BAHCC1: variants seen among roughly 807,000 people sequenced by gnomAD.
BAHCC1 encodes BAH and coiled-coil domain-containing protein 1.
BAHCC1 carries 43 observed loss-of-function variants against 88.2 expected under a neutral mutation model. The ratio of observed to expected loss-of-function variants is 0.49; its 90% CI spans 0.38 to 0.63. BAHCC1 has a LOEUF of 0.63. Among genes scored for constraint, BAHCC1 ranks in the 20% least tolerant of loss-of-function variants. The pLI is 0.00. For missense variants in BAHCC1, 3,023 were observed against 1,654.8 expected, an observed-to-expected ratio of 1.83 and a Z score of -14.34; for synonymous variants, 1,510 against 745.5, an observed-to-expected ratio of 2.03 and a Z score of -16.71.
chr17:81,427,585 C>T (rs1459011935), intron 3 of BAHCC1, among the ~76,000 whole-genome samples: 1 of 152,142 alleles, frequency 6.6e-6, no homozygotes, highest in Admixed American at 6.5e-5. Flanking sequence ...TGGCAGGGCA[C>T]CCCTGCCTGG....
At chr17:81,423,598 G>C (rs2064140628) in intron 2 of BAHCC1, among the ~76,000 whole-genome samples, 1 of 152,224 alleles carries the variant, frequency 6.6e-6, no homozygotes, top group African/African-American at 2.4e-5. Flanking sequence ...CCCAGGCCAG[G>C]CTTGCTGCCC....
At chr17:81,460,247 C>T in intron 23 of BAHCC1, 30 bp from the exon 24 acceptor site, 2 of 739,200 alleles carry the variant, frequency 2.7e-6, no homozygotes, top group Non-Finnish European at 5.0e-6. Flanking sequence ...CTGGGGGTTC[C>T]AGCTGCAAGC....
Position 81,411,275 on chromosome 17 carries a change from C to T in BAHCC1, c.178+11358C>T, listed in dbSNP as rs1423456808. 5 of 463,200 alleles carry T rather than the reference C, an allele frequency of 1.1e-5. No homozygotes were observed. The highest frequency in any genetic ancestry group is 1.7e-5 in the Non-Finnish European group (4 of 231,584). The allele number at this position is 463,200 out of a possible 1,614,324, so 28.7% of individuals were successfully genotyped here. A position where few individuals can be genotyped will look rare whatever the true frequency, so the allele number is the denominator to read the frequency against. ...AGCAGCTCCCCTTCTCGGCAGCTCC[C>T]AAACCCTGACCCCAGACAGGCAGCA... On this transcript the variant is annotated intron_variant, in intron 2 of 27. Transcript: ENST00000675386. The surrounding 1 kb of genome is among the most constrained non-coding windows in gnomAD (Gnocchi z 6.2).
At chr17:81,426,399 C>CGTGGGTGATGTGGTTGGGGGTGATAGTG (rs2064199377) in intron 2 of BAHCC1, among the ~76,000 whole-genome samples, 1 of 6,584 alleles carries the variant, frequency 1.5e-4, no homozygotes, top group Non-Finnish European at 3.7e-4. Flanking sequence ...TGGTGATAGT[C>CGTGGGTGATGTGGTTGGGGGTGATAGTG]GTGGGTGATG....
In BAHCC1 at chr17:81,399,109, G is replaced by A. The variant is rs2063776686; in HGVS notation, c.-206-425G>A. The A allele has an allele frequency of 4.2e-6, 1 of 240,666 alleles. No homozygotes were observed. Among genetic ancestry groups the A allele is most frequent in the Non-Finnish European group, 8.9e-6 (1 of 111,822 alleles). The allele number at this position is 240,666 out of a possible 1,614,324, so 14.9% of individuals were successfully genotyped here. On this transcript the variant is annotated intron_variant, in intron 1 of 27. Transcript: ENST00000675386. The surrounding 1 kb of genome is among the most constrained non-coding windows in gnomAD (Gnocchi z 4.5). ...GAGACACCTTTGGGCAGCGGGGGAG[G>A]GGAGAGGGTGTGCGTGTGAGTGTGT...
intron 2 of BAHCC1, among the ~76,000 whole-genome samples, chr17:81,406,260 C>A (rs1786441184): frequency 6.6e-6 from 1 of 152,062 alleles, no homozygotes; most frequent in Admixed American, 6.5e-5. Flanking sequence ...GGGGAGATGG[C>A]CTCCCCTTGT....
At position 81,399,219 on chromosome 17, in the gene BAHCC1, C is replaced by A; in HGVS notation, c.-206-315C>A. On this transcript the variant is annotated intron_variant, in intron 1 of 27. Transcript: ENST00000675386. This position sits in a 1 kb window ranked among gnomAD's most constrained non-coding sequence, Gnocchi z 4.5. ...CCCAGCAGAGCCAGCAGCCTCTTCG[C>A]CGCGGCGCCCTAGCTGCAGGGACCC... is the stretch of plus-strand genomic sequence containing the variant. 2.4e-6 allele frequency: 1 copy of A among 424,674 alleles called. No homozygotes were observed. The highest frequency in any genetic ancestry group is 4.7e-6 in the Non-Finnish European group (1 of 211,950). The allele number at this position is 424,674 out of a possible 1,614,324, so 26.3% of individuals were successfully genotyped here.
intron 10 of BAHCC1, among the ~76,000 whole-genome samples, chr17:81,445,971 G>A (rs1359953693): frequency 1.2e-4 from 18 of 152,254 alleles, no homozygotes; most frequent in Non-Finnish European, 2.1e-4. Context: ...CAATGAAGGC[G>A]GGGCCTGCTG....
intron 4 of BAHCC1, among the ~76,000 whole-genome samples, chr17:81,441,523 C>G (rs1033507973): frequency 2.0e-5 from 3 of 151,992 alleles, no homozygotes; most frequent in Admixed American, 6.6e-5. Context: ...TTAGCTGGGC[C>G]TGGTGGCGGG....
intron 3 of BAHCC1, 57 bp from the exon 4 acceptor site, chr17:81,438,313 G>A (rs1767097568): frequency 6.5e-6 from 5 of 772,112 alleles, no homozygotes; most frequent in African/African-American, 1.7e-5. Context: ...GGGTCAGGGC[G>A]AGTGTGGGCC....
intron 2 of BAHCC1, among the ~76,000 whole-genome samples, chr17:81,404,708 C>T (rs557534657): frequency 6.6e-6 from 1 of 152,356 alleles, no homozygotes; most frequent in East Asian, 1.9e-4. Context: ...TCGCTGTCAA[C>T]TTACATATGT....
rs368095465 is a variant in BAHCC1 at position 81,445,015 on chromosome 17, C to T, written c.2672C>T (p.Ala891Val). Residue 891 changes from alanine to valine, a missense_variant and splice_region_variant, in exon 9 of 28, where the codon GCG becomes GTG. Coordinates refer to ENST00000675386, the MANE Select transcript of BAHCC1 (RefSeq NM_001377448.1). ...PTPHSAPHAL[A>V]DVMDQASLWP... ...GACCCCTCCTGGGCCCTGCCCACAG[C>T]GGATGTCATGGACCAGGCGTCACTG... The T allele has an allele frequency of 3.6e-5, 27 of 758,050 alleles. No individual in the cohort carries two copies. Among genetic ancestry groups the T allele is most frequent in the Non-Finnish European group, 5.6e-5 (23 of 410,224 alleles). The allele number at this position is 758,050 out of a possible 1,614,324, so 47.0% of individuals were successfully genotyped here. A position where few individuals can be genotyped will look rare whatever the true frequency, so the allele number is the denominator to read the frequency against.
intron 3 of BAHCC1, among the ~76,000 whole-genome samples, chr17:81,431,255 C>G (rs1464080629): frequency 6.6e-6 from 1 of 152,210 alleles, no homozygotes; most frequent in African/African-American, 2.4e-5. Flanking sequence ...CCTGCCCTGG[C>G]CGGCCACCCT....
intron 25 of BAHCC1, 68 bp from the exon 26 acceptor site, chr17:81,460,798 G>A (rs2030186387): frequency 1.3e-6 from 1 of 770,136 alleles, no homozygotes; most frequent in South Asian, 1.3e-5. Context: ...GCAGGGTCCG[G>A]GGAGGGGCAG....
chr17:81,418,796 C>CGCAT (rs1555649116), intron 2 of BAHCC1, among the ~76,000 whole-genome samples: 10 of 144,798 alleles, frequency 6.9e-5, no homozygotes, highest in African/African-American at 2.1e-4. Context: ...TACGTGTGTG[C>CGCAT]GTGTGTGTGT....
Position 81,447,042 on chromosome 17 carries a change from C to T in BAHCC1, c.3170C>T (p.Pro1057Leu), listed in dbSNP as rs782416260. Reference protein sequence around the residue: ...ADIITSEPDLPPGYLRPMAGL... With the variant: ...ADIITSEPDLLPGYLRPMAGL... ...CCTGTCCCCTCCTTTGCAGACCTGCCTCCCGGATACCTGCGCCCCATGGCT... is the reference window on the plus strand; with the variant it reads ...CCTGTCCCCTCCTTTGCAGACCTGCTTCCCGGATACCTGCGCCCCATGGCT... The change falls in exon 11 of 28, where the codon CCT (proline) becomes CTT (leucine). Residue 1057 changes from proline (P) to leucine (L), a missense_variant. Coordinates refer to ENST00000675386, the MANE Select transcript of BAHCC1 (RefSeq NM_001377448.1). 3.8e-6 allele frequency: 3 copies of T among 779,326 alleles called. No homozygotes were observed. Among genetic ancestry groups the T allele is most frequent in the Non-Finnish European group, 7.2e-6 (3 of 417,928 alleles). 48.3% of individuals were successfully genotyped at this position (779,326 alleles called of 1,614,324 possible).
At chr17:81,420,769 C>T (rs908291608) in intron 2 of BAHCC1, among the ~76,000 whole-genome samples, 12 of 152,228 alleles carry the variant, frequency 7.9e-5, no homozygotes, top group African/African-American at 2.4e-4. Context: ...TCGGTGGCCC[C>T]GCTGACACCG....
At chr17:81,417,945 C>T (rs370291015) in intron 2 of BAHCC1, among the ~76,000 whole-genome samples, 251 of 152,362 alleles carry the variant, frequency 1.6e-3, no homozygotes, top group African/African-American at 5.6e-3. Flanking sequence ...CACTGCTTCC[C>T]ATCCTTTCGC....
At chr17:81,433,608 C>T (rs1051903229) in intron 3 of BAHCC1, among the ~76,000 whole-genome samples, 1 of 150,706 alleles carries the variant, frequency 6.6e-6, no homozygotes, top group Non-Finnish European at 1.5e-5. Flanking sequence ...GTGCTCAGGG[C>T]AGGTGTCATC....
Sources: gnomAD v4.1 joint callset for allele counts (sites outside exome capture counted in the v4.1 genomes callset) on GRCh38, gnomAD v4.1.1 for gene constraint, Gnocchi (gnomAD v3.1) non-coding constraint, MANE v1.5 for transcripts, NCBI Gene and HGNC (gene_info 2026-07-23, HGNC 2026-07-21) for gene names.